TSPAN18: variants seen among roughly 807,000 people sequenced by gnomAD.
TSPAN18 encodes the protein tetraspanin-18.
TSPAN18 carries 14 observed loss-of-function variants against 27.3 expected under a neutral mutation model. That is an observed-to-expected ratio of 0.51 (90% confidence interval 0.34 to 0.80). TSPAN18 has a LOEUF of 0.80. Ranked by LOEUF, TSPAN18 falls within the 30% of genes least tolerant of loss-of-function variation. TSPAN18 has a pLI of 0.01. For synonymous variants in TSPAN18, 143 were observed against 136.5 expected (o/e 1.05, Z -0.33); for missense variants, 268 against 323.9 (o/e 0.83, Z 1.32).
At chr11:44,762,371 A>T (rs1166707254) in intron 1 of TSPAN18, among the ~76,000 whole-genome samples, 1 of 152,208 alleles carries the variant, frequency 6.6e-6, no homozygotes, top group Non-Finnish European at 1.5e-5. Context: ...GTGTGGTAAG[A>T]TCCCACTTTT....
Position 44,765,902 on chromosome 11 carries a change from G to C in TSPAN18, c.-153+1390G>C, listed in dbSNP as rs77808605. On this transcript the variant is annotated intron_variant, in intron 2 of 9. Coordinates refer to ENST00000520358, the MANE Select transcript of TSPAN18 (RefSeq NM_130783.5). ...GCCTTGATTTTCTGATCTCTAAAATGGGACAGTGACACCTACTCACAGGTT... is the reference window on the plus strand; with the variant it reads ...GCCTTGATTTTCTGATCTCTAAAATCGGACAGTGACACCTACTCACAGGTT... Among the ~76,000 whole-genome samples the C allele has an allele frequency of 1.9e-3, 284 of 152,248 alleles. 1 individual carries two copies. The highest frequency in any genetic ancestry group is 6.6e-3 in the African/African-American group (276 of 41,546).
chr11:44,798,130 C>T (rs1043355122), intron 2 of TSPAN18, among the ~76,000 whole-genome samples: 1 of 152,316 alleles, frequency 6.6e-6, no homozygotes, highest in African/African-American at 2.4e-5. Context: ...GCTGGCCGTC[C>T]CTGAAGAGGG....
chr11:44,727,089 G>A lies in TSPAN18; in HGVS notation c.-438G>A, dbSNP rs180790400. 57 of 1,344 alleles carry A rather than the reference G, an allele frequency of 0.042. 1 individual carries two copies. The highest frequency in any genetic ancestry group is 0.17 in the South Asian group (3 of 18). 0.1% of individuals were successfully genotyped at this position (1,344 alleles called of 1,614,324 possible). A position where few individuals can be genotyped will look rare whatever the true frequency, so the allele number is the denominator to read the frequency against. ...CGGCCCCAGCCCCGGCCCCGGCCCCGGCCCCGGCCCCGGCCCCGGTCCCGG... is the reference window on the plus strand; with the variant it reads ...CGGCCCCAGCCCCGGCCCCGGCCCCAGCCCCGGCCCCGGCCCCGGTCCCGG... On this transcript the variant is annotated 5_prime_UTR_variant, in exon 1 of 10. Coordinates refer to ENST00000520358, the MANE Select transcript of TSPAN18 (RefSeq NM_130783.5).
chr11:44,908,655 G>A (rs997191979), intron 4 of TSPAN18, among the ~76,000 whole-genome samples: 6 of 150,930 alleles, frequency 4.0e-5, no homozygotes, highest in African/African-American at 1.5e-4. Flanking sequence ...GATGACTTGG[G>A]CCCAGGAGGT....
At chr11:44,881,495 G>C (rs774780355) in intron 3 of TSPAN18, among the ~76,000 whole-genome samples, 5 of 152,212 alleles carry the variant, frequency 3.3e-5, no homozygotes, top group Non-Finnish European at 7.3e-5. Context: ...CTATTTCCGA[G>C]GGAAACATGA....
At chr11:44,803,457 T>C (rs955859271) in intron 2 of TSPAN18, among the ~76,000 whole-genome samples, 5 of 152,066 alleles carry the variant, frequency 3.3e-5, no homozygotes, top group Admixed American at 1.3e-4. Context: ...AGTACAGAAG[T>C]TCTTGAATGC....
chr11:44,875,120 C>A (rs372309458), intron 3 of TSPAN18, among the ~76,000 whole-genome samples: 35 of 152,338 alleles, frequency 2.3e-4, no homozygotes, highest in African/African-American at 8.2e-4. Context: ...CATTCTCCCC[C>A]GTGGGGCCCT....
chr11:44,889,594 G>C (rs7126670), intron 3 of TSPAN18, among the ~76,000 whole-genome samples: 5,119 of 152,348 alleles, frequency 0.034, 253 homozygotes, highest in African/African-American at 0.097. Flanking sequence ...AAGAGCCAAA[G>C]CCCACATGGG....
intron 2 of TSPAN18, among the ~76,000 whole-genome samples, chr11:44,804,645 T>C (rs1856553449): frequency 6.6e-6 from 1 of 152,190 alleles, no homozygotes; most frequent in African/African-American, 2.4e-5. Context: ...GAGGGATTCT[T>C]GGCAAGCTGA....
chr11:44,894,292 G>A (rs1168537177), intron 3 of TSPAN18, among the ~76,000 whole-genome samples: 9 of 152,236 alleles, frequency 5.9e-5, no homozygotes, highest in Non-Finnish European at 1.3e-4. Flanking sequence ...GAACGCAGTT[G>A]CAGGGGAACA....
At chr11:44,885,189 C>T (rs529986838) in intron 3 of TSPAN18, among the ~76,000 whole-genome samples, 12 of 152,284 alleles carry the variant, frequency 7.9e-5, no homozygotes, top group Middle Eastern at 3.4e-3. Flanking sequence ...CCTCTCTTGT[C>T]CCCATCACAT....
chr11:44,857,984 C>T (rs935792788), intron 2 of TSPAN18, among the ~76,000 whole-genome samples: 4 of 152,218 alleles, frequency 2.6e-5, no homozygotes, highest in East Asian at 3.8e-4. Flanking sequence ...CCACAGTGAT[C>T]GAGAGCTTCC....
intron 1 of TSPAN18, among the ~76,000 whole-genome samples, chr11:44,746,184 G>C (rs76799075): frequency 0.054 from 8,237 of 152,282 alleles, 305 homozygotes; most frequent in African/African-American, 0.098. Flanking sequence ...CGTGGGTGGG[G>C]CACGTTGCTC....
At chr11:44,904,808 T>TGGGCGA (rs1372060499) in intron 3 of TSPAN18, among the ~76,000 whole-genome samples, 2 of 152,060 alleles carry the variant, frequency 1.3e-5, no homozygotes, top group Non-Finnish European at 2.9e-5. Flanking sequence ...ATTGTGGTTT[T>TGGGCGA]GGGCGAGGGC....
intron 1 of TSPAN18, among the ~76,000 whole-genome samples, chr11:44,731,078 A>G (rs1854643359): frequency 6.6e-6 from 1 of 152,200 alleles, no homozygotes; most frequent in Non-Finnish European, 1.5e-5. Flanking sequence ...AGTGAATTCA[A>G]CAACTTGGAG....
At chr11:44,814,876 A>G (rs747605390) in intron 2 of TSPAN18, among the ~76,000 whole-genome samples, 3 of 152,232 alleles carry the variant, frequency 2.0e-5, no homozygotes, top group Non-Finnish European at 1.5e-5. Context: ...AAAGTGATGC[A>G]AAGATGATGA....
intron 3 of TSPAN18, among the ~76,000 whole-genome samples, chr11:44,893,577 C>T (rs1243313169): frequency 1.3e-5 from 2 of 152,208 alleles, no homozygotes; most frequent in Non-Finnish European, 1.5e-5. Context: ...TTCTAGGCCT[C>T]GGGCCGGCGT....
In TSPAN18 at chr11:44,932,400, C is replaced by CAAAG. The variant is rs1431428866; in HGVS notation, c.*3225_*3228dup. The CAAAG allele has an allele frequency of 2.0e-5, 3 of 152,158 alleles. No homozygotes were observed. Among genetic ancestry groups the CAAAG allele is most frequent in the Non-Finnish European group, 2.9e-5 (2 of 68,048 alleles). 9.4% of individuals were successfully genotyped at this position (152,158 alleles called of 1,614,324 possible). ...TGTTTCTTACAAAAAGAAAAAGGAACAAAGAATAAATAGTGACCGTGAAGA... is the reference window on the plus strand; with the variant it reads ...TGTTTCTTACAAAAAGAAAAAGGAACAAAGAAAGAATAAATAGTGACCGTGAAGA... On this transcript the variant is annotated 3_prime_UTR_variant, in exon 10 of 10. Coordinates refer to ENST00000520358, the MANE Select transcript of TSPAN18 (RefSeq NM_130783.5).
intron 2 of TSPAN18, among the ~76,000 whole-genome samples, chr11:44,854,978 A>G (rs1857697816): frequency 6.6e-6 from 1 of 152,224 alleles, no homozygotes; most frequent in South Asian, 2.1e-4. Context: ...TGACTTCCCA[A>G]CGACTCACTC....
Sources: gnomAD v4.1 joint callset for allele counts (sites outside exome capture counted in the v4.1 genomes callset) on GRCh38, gnomAD v4.1.1 for gene constraint, MANE v1.5 for transcripts, NCBI Gene and HGNC (gene_info 2026-07-23, HGNC 2026-07-21) for gene names.